The following PTPRM variants were observed in gnomAD, a reference collection of about 807,000 sequenced individuals.
PTPRM encodes the protein receptor-type tyrosine-protein phosphatase mu.
In PTPRM, 47 loss-of-function variants were observed where a neutral mutation model predicts 186.7. The ratio of observed to expected loss-of-function variants is 0.25; its 90% confidence interval spans 0.20 to 0.32. PTPRM has a LOEUF of 0.32. PTPRM is among the 10% of genes least tolerant of loss of function. PTPRM has a pLI of 1.00. For synonymous variants in PTPRM, 668 were observed against 674.9 expected, an observed-to-expected ratio of 0.99 and a Z score of 0.16; for missense variants, 1,494 against 1,865.0, an observed-to-expected ratio of 0.80 and a Z score of 3.66.
intron 13 of PTPRM, among the ~76,000 whole-genome samples, chr18:8,116,090 A>G (rs1392932739): frequency 6.6e-6 from 1 of 152,232 alleles, no homozygotes; most frequent in Non-Finnish European, 1.5e-5. Flanking sequence ...TATGTGTTTC[A>G]TAAACTGCCG....
chr18:8,267,849 T>G lies in PTPRM; in HGVS notation c.2754+14435T>G, dbSNP rs547101987. On this transcript the variant is annotated intron_variant, in intron 19 of 32. Transcript: ENST00000580170. ...AATTTGATGAGTGAAAAAAGATTAT[T>G]TCCTTATTGTTCCATTTGAAGCTAT... 7.0e-4 allele frequency among the ~76,000 whole-genome samples: 106 copies of G among 152,290 alleles called. 1 individual carries two copies. The highest frequency in any genetic ancestry group is 2.4e-3 in the African/African-American group (101 of 41,582).
chr18:8,025,672 GAGAACT>G lies in PTPRM; in HGVS notation c.1133-44013_1133-44008del, dbSNP rs1346086077. ...TCAACAGCTGGTACGATATTAGCGA[GAGAACT>G]TTGTTTAGAAAAATATCTTGACCTA... On this transcript the variant is annotated intron_variant, in intron 7 of 32. Transcript: ENST00000580170. Among the ~76,000 whole-genome samples the G allele has an allele frequency of 2.0e-5, 3 of 152,330 alleles. No individual in the cohort carries two copies. The East Asian group carries it at 5.8e-4, about 29-fold the overall frequency.
intron 13 of PTPRM, among the ~76,000 whole-genome samples, chr18:8,139,101 A>C (rs1023327966): frequency 2.0e-5 from 3 of 152,016 alleles, no homozygotes; most frequent in African/African-American, 7.2e-5. Context: ...CCAACTGCCT[A>C]CTTGCTATCT....
At chr18:8,126,009 A>ATG (rs2145874128) in intron 13 of PTPRM, among the ~76,000 whole-genome samples, 1 of 23,558 alleles carries the variant, frequency 4.2e-5, no homozygotes, top group African/African-American at 9.8e-5. Flanking sequence ...ATATATATAT[A>ATG]TATATATATA....
chr18:8,376,369 A>G (rs1246341099), intron 25 of PTPRM, 93 bp from the exon 26 acceptor site: 2 of 1,580,196 alleles, frequency 1.3e-6, no homozygotes, highest in Non-Finnish European at 1.7e-6. Flanking sequence ...TTAATTTTAT[A>G]TTATGTAAAT....
At chr18:7,633,783 C>G (rs1379450579) in intron 1 of PTPRM, among the ~76,000 whole-genome samples, 1 of 152,142 alleles carries the variant, frequency 6.6e-6, no homozygotes, top group Non-Finnish European at 1.5e-5. Context: ...ATCCTGATTC[C>G]TGTTTCTCTC....
intron 1 of PTPRM, among the ~76,000 whole-genome samples, chr18:7,587,441 A>G (rs957777139): frequency 6.6e-6 from 1 of 151,936 alleles, no homozygotes; most frequent in East Asian, 1.9e-4. Context: ...ATTATTTTTA[A>G]TGACCTGTTA....
intron 1 of PTPRM, among the ~76,000 whole-genome samples, chr18:7,675,246 C>G (rs2039307830): frequency 6.6e-6 from 1 of 150,724 alleles, no homozygotes; most frequent in African/African-American, 2.5e-5. Flanking sequence ...TAGGGCCTTC[C>G]TTCTTTAATG....
intron 14 of PTPRM, among the ~76,000 whole-genome samples, chr18:8,201,643 C>T (rs999598236): frequency 2.0e-5 from 3 of 152,168 alleles, no homozygotes; most frequent in Non-Finnish European, 4.4e-5. Flanking sequence ...TGAGGGCTCT[C>T]TCCCTGGTGT....
At chr18:8,091,587 ATT>A (rs371274350) in intron 11 of PTPRM, among the ~76,000 whole-genome samples, 65 of 140,150 alleles carry the variant, frequency 4.6e-4, no homozygotes, top group South Asian at 2.3e-3. Context: ...TGTCGAAAAG[ATT>A]TTTTTTTTTT....
intron 19 of PTPRM, among the ~76,000 whole-genome samples, chr18:8,264,740 C>G (rs1178291824): frequency 6.9e-6 from 1 of 145,662 alleles, no homozygotes; most frequent in Non-Finnish European, 1.5e-5. Flanking sequence ...TGCACCACTG[C>G]ACTCCTGCGT....
intron 2 of PTPRM, among the ~76,000 whole-genome samples, chr18:7,811,170 G>T (rs549854807): frequency 6.6e-6 from 1 of 152,298 alleles, no homozygotes; most frequent in South Asian, 2.1e-4. Context: ...GGCAAGCGTG[G>T]CTCAATAAAG....
chr18:7,768,051 C>T (rs1249066360), intron 1 of PTPRM, among the ~76,000 whole-genome samples: 1 of 152,178 alleles, frequency 6.6e-6, no homozygotes, highest in Non-Finnish European at 1.5e-5. Flanking sequence ...TATCATGCAG[C>T]CTGCTCTAAG....
At chr18:7,647,525 A>G (rs2038593581) in intron 1 of PTPRM, among the ~76,000 whole-genome samples, 1 of 152,232 alleles carries the variant, frequency 6.6e-6, no homozygotes. Context: ...ACAGTTTCCT[A>G]CAAGATGGTG....
At chr18:7,628,362 TTC>T (rs1198108071) in intron 1 of PTPRM, among the ~76,000 whole-genome samples, 2 of 152,218 alleles carry the variant, frequency 1.3e-5, no homozygotes, top group Admixed American at 6.5e-5. Context: ...ACTAATGTAT[TTC>T]TGTTATTCCC....
chr18:8,153,635 A>G (rs1333763279), intron 14 of PTPRM, among the ~76,000 whole-genome samples: 1 of 152,244 alleles, frequency 6.6e-6, no homozygotes, highest in Non-Finnish European at 1.5e-5. Context: ...AGTCTTGTAC[A>G]AACTATCATA....
intron 1 of PTPRM, among the ~76,000 whole-genome samples, chr18:7,716,871 C>T (rs138365119): frequency 0.043 from 6,539 of 152,248 alleles, 444 homozygotes; most frequent in African/African-American, 0.14. Context: ...TGCTTTTACA[C>T]TGTTGATGGA....
intron 14 of PTPRM, among the ~76,000 whole-genome samples, chr18:8,191,245 C>T (rs890429413): frequency 1.3e-5 from 2 of 152,154 alleles, no homozygotes; most frequent in African/African-American, 2.4e-5. Context: ...CCTGCAAACT[C>T]TTAATATGGG....
chr18:7,589,136 C>T (rs2037058349), intron 1 of PTPRM, among the ~76,000 whole-genome samples: 1 of 152,198 alleles, frequency 6.6e-6, no homozygotes, highest in Admixed American at 6.5e-5. Context: ...GTGTGAGCTG[C>T]TCCATCCATC....
Sources: gnomAD v4.1 joint callset for allele counts (sites outside exome capture counted in the v4.1 genomes callset) on GRCh38, gnomAD v4.1.1 for gene constraint, MANE v1.5 for transcripts, NCBI Gene and HGNC (gene_info 2026-07-23, HGNC 2026-07-21) for gene names.